Variants in EOGT observed in about 807,000 individuals in gnomAD.
EOGT encodes EGF domain-specific O-linked N-acetylglucosamine transferase.
A neutral mutation model predicts 70.5 loss-of-function variants in EOGT; 55 were observed. That is an observed-to-expected ratio of 0.78 (90% confidence interval 0.63 to 0.98). EOGT has a LOEUF of 0.98. Among genes scored for constraint, EOGT ranks in the 50% least tolerant of loss-of-function variants. The pLI, the probability that EOGT is intolerant of heterozygous loss-of-function variation, is 0.00. For missense variants in EOGT, 703 were observed against 641.9 expected (o/e 1.10, Z -1.03); for synonymous variants, 246 against 217.1 (o/e 1.13, Z -1.17).
chr3:68,987,386 A>C (rs77006427), intron 14 of EOGT, 59 bp downstream of exon 14: 12 of 1,246,504 alleles, frequency 9.6e-6, no homozygotes, highest in East Asian at 9.6e-5. Flanking sequence ...AAAAAAAAAA[A>C]CACAATTTGC....
At chr3:68,987,366 G>GTT in intron 14 of EOGT, 79 bp downstream of exon 14, 2 of 1,031,230 alleles carry the variant, frequency 1.9e-6, no homozygotes, top group South Asian at 2.9e-5. Context: ...AGCTTTTAAC[G>GTT]TAATGTGAAA....
At chr3:68,991,494 T>A (rs536047816) in intron 10 of EOGT, among the ~76,000 whole-genome samples, 2 of 152,270 alleles carry the variant, frequency 1.3e-5, no homozygotes, top group African/African-American at 4.8e-5. Flanking sequence ...GGGAAATGAA[T>A]ACATGCACTG....
intron 8 of EOGT, among the ~76,000 whole-genome samples, chr3:69,003,740 T>C (rs2107353553): frequency 6.6e-6 from 1 of 152,200 alleles, no homozygotes; most frequent in Non-Finnish European, 1.5e-5. Context: ...GGGATGGGGG[T>C]AGAGCCTGGG....
At position 68,988,359 on chromosome 3, in the gene EOGT, C is replaced by A. The variant is rs1482734213; in HGVS notation, c.1019G>T (p.Gly340Val). The change falls in exon 13 of 18, where the codon GGA becomes GTA. Residue 340 changes from glycine (G) to valine (V), a missense_variant. Gly to Val is a moderately radical substitution (Grantham distance 109, BLOSUM62 -3). Coordinates refer to ENST00000383701, the MANE Select transcript of EOGT (RefSeq NM_001278689.2). ...TPLISGCQNT[G>V]LFRAFAQHVL... ...ATGCTGGGCAAATGCCCTGAATAGT[C>A]CAGTATTTTGACAGCCAGATATCTA... 2.0e-6 allele frequency: 3 copies of A among 1,535,856 alleles called. No individual in the cohort carries two copies. The highest frequency in any genetic ancestry group is 3.9e-5 in the Admixed American group (2 of 50,986).
intron 15 of EOGT, among the ~76,000 whole-genome samples, chr3:68,980,231 G>C (rs755299898): frequency 9.9e-5 from 15 of 152,170 alleles, no homozygotes; most frequent in Non-Finnish European, 1.9e-4. Flanking sequence ...TGACACACTA[G>C]CACTAAATTA....
chr3:68,979,162 G>A (rs2090559991), intron 16 of EOGT, among the ~76,000 whole-genome samples: 1 of 152,154 alleles, frequency 6.6e-6, no homozygotes, highest in Admixed American at 6.6e-5. Context: ...GAATTATTAT[G>A]AGAGGGAAGG....
intron 14 of EOGT, among the ~76,000 whole-genome samples, chr3:68,983,536 T>C (rs2090713122): frequency 6.6e-6 from 1 of 152,260 alleles, no homozygotes; most frequent in Admixed American, 6.5e-5. Context: ...TCTGCAACTG[T>C]GTCATGTTGC....
chr3:69,003,788 C>G (rs1019004363), intron 8 of EOGT, among the ~76,000 whole-genome samples: 1 of 152,086 alleles, frequency 6.6e-6, no homozygotes, highest in Non-Finnish European at 1.5e-5. Context: ...TATTTTTGGA[C>G]CTGGGTAAAA....
At chr3:69,000,433 T>G in intron 9 of EOGT, among the ~76,000 whole-genome samples, 1 of 152,214 alleles carries the variant, frequency 6.6e-6, no homozygotes, top group East Asian at 1.9e-4. Context: ...CCTTTTTAAT[T>G]TGCATGTTTT....
rs1216260294 is a variant in EOGT, at chr3:69,009,947, A to C, written c.-14-87T>G. ...AACAACAACAACAAAAAAAAAAAAAAAACAAAGGGTCAAGGGCTAAGTATA... is the reference window on the plus strand; with the variant it reads ...AACAACAACAACAAAAAAAAAAAAACAACAAAGGGTCAAGGGCTAAGTATA... On this transcript the variant is annotated intron_variant, in intron 3 of 17. Transcript: ENST00000383701. 27 of 337,832 alleles carry C rather than the reference A, an allele frequency of 8.0e-5. No individual in the cohort carries two copies. The Admixed American group carries it at 1.3e-3, about 16-fold the overall frequency. 20.9% of individuals were successfully genotyped at this position (337,832 alleles called of 1,614,324 possible).
Position 68,998,068 on chromosome 3 carries a change from A to C in EOGT, c.774T>G (p.Ile258Met). The C allele has an allele frequency of 6.2e-7, 1 of 1,601,856 alleles. No homozygotes were observed. The highest frequency in any genetic ancestry group is 8.5e-7 in the Non-Finnish European group (1 of 1,173,948). Residue 258 changes from isoleucine (I) to methionine (M), a missense_variant, in exon 10 of 18, where the codon ATT becomes ATG. Physicochemically the swap from Ile to Met is conservative, Grantham distance 10. Coordinates refer to ENST00000383701, the MANE Select transcript of EOGT (RefSeq NM_001278689.2). The stretch of plus-strand genomic sequence containing the variant: ...TGAATGAGTTATTAACGTGCTGAGT[A>C]ATATAAAGATTGATGAAATCACAGA... ...HHFCDFINLY[I>M]TQHVNNSFST...
Position 68,978,470 on chromosome 3 carries a change from T to C in EOGT, c.1335-35A>G, listed in dbSNP as rs367586082. 13 of 1,453,898 alleles carry C rather than the reference T, an allele frequency of 8.9e-6. No homozygotes were observed. In the African/African-American group the frequency reaches 1.6e-4, roughly 18 times the overall value. 90.1% of individuals were successfully genotyped at this position (1,453,898 alleles called of 1,614,324 possible). On this transcript the variant is annotated intron_variant, in intron 16 of 17. Transcript: ENST00000383701. ...CAAGGGTGTCACAACATGAGGCTTT[T>C]GTCCAAGGTTTTTTCCAAATCAACA... is the stretch of plus-strand genomic sequence containing the variant.
intron 3 of EOGT, among the ~76,000 whole-genome samples, chr3:69,011,444 G>A (rs558116953): frequency 2.0e-5 from 3 of 151,600 alleles, no homozygotes; most frequent in African/African-American, 4.8e-5. Context: ...TGGGCAACGT[G>A]ATGAAACCCG....
Position 69,008,497 on chromosome 3 carries a change from C to A in EOGT, c.242G>T (p.Gly81Val), listed in dbSNP as rs758317267. Reference sequence around the variant, plus strand: ...CTCTGGTTTGCAGGATTTCTCATAACCCCAGCAGTACTTTAGCTTCTCTAG... The same window carrying A: ...CTCTGGTTTGCAGGATTTCTCATAAACCCAGCAGTACTTTAGCTTCTCTAG... ...KHLEKLKYCW[G>V]YEKSCKPEFR... The change falls in exon 5 of 18, where the codon GGT becomes GTT. Residue 81 changes from glycine (G) to valine (V), a missense_variant. Gly to Val is a moderately radical substitution (Grantham distance 109). Coordinates refer to ENST00000383701, the MANE Select transcript of EOGT (RefSeq NM_001278689.2). 1.2e-6 allele frequency: 2 copies of A among 1,613,986 alleles called. No homozygotes were observed. Among genetic ancestry groups the A allele is most frequent in the Admixed American group, 1.7e-5 (1 of 60,010 alleles).
chr3:69,006,812 C>T (rs2107377133), intron 6 of EOGT, among the ~76,000 whole-genome samples: 1 of 152,304 alleles, frequency 6.6e-6, no homozygotes, highest in South Asian at 2.1e-4. Flanking sequence ...TGAAAGTAAA[C>T]TGGAAAAAAA....
intron 14 of EOGT, among the ~76,000 whole-genome samples, chr3:68,983,277 A>G (rs892870602): frequency 1.3e-5 from 2 of 152,234 alleles, no homozygotes; most frequent in Non-Finnish European, 2.9e-5. Context: ...AAAATGTTCT[A>G]GACTTTACCT....
chr3:68,982,683 T>C, intron 15 of EOGT, 128 bp downstream of exon 15: 1 of 516,976 alleles, frequency 1.9e-6, no homozygotes, highest in Non-Finnish European at 3.3e-6. Flanking sequence ...TTCATTCATC[T>C]GTAGTGTCTA....
chr3:68,985,169 T>A (rs1434883385), intron 14 of EOGT, among the ~76,000 whole-genome samples: 1 of 152,226 alleles, frequency 6.6e-6, no homozygotes, highest in Non-Finnish European at 1.5e-5. Flanking sequence ...CAATATATAC[T>A]GTTGATCTGT....
rs377049384 is a variant in EOGT, at chr3:68,991,968, C to G, written c.832-2951G>C. Among the ~76,000 whole-genome samples the G allele has an allele frequency of 5.9e-5, 9 of 152,266 alleles. No homozygotes were observed. The East Asian group carries it at 7.7e-4, about 13-fold the overall frequency. On this transcript the variant is annotated intron_variant, in intron 10 of 17. Coordinates refer to ENST00000383701, the MANE Select transcript of EOGT (RefSeq NM_001278689.2). ...ATCTCATGAGACTTATTCACTATCA[C>G]GAGAATAGCATAGGAAAGACTGGCC...
Sources: allele counts gnomAD v4.1 joint callset (sites outside exome capture counted in the v4.1 genomes callset), GRCh38; gene constraint gnomAD v4.1.1; transcripts MANE v1.5; gene names NCBI Gene and HGNC (gene_info 2026-07-23, HGNC 2026-07-21).